Variants in TRPC5 observed in about 807,000 individuals in gnomAD.
TRPC5 encodes the protein transient receptor potential cation channel subfamily C member 5.
A neutral mutation model predicts 56.5 loss-of-function variants in TRPC5; 9 were observed. The observed-to-expected ratio is 0.16, with a 90% CI of 0.10 to 0.28. The LOEUF is 0.28. TRPC5 is among the 10% of genes least tolerant of loss of function. The pLI is 1.00. For synonymous variants in TRPC5, 282 were observed against 278.5 expected (o/e 1.01, Z -0.13); for missense variants, 469 against 748.9 (o/e 0.63, Z 4.36).
At chrX:111,827,927 T>C (rs1430234116) in intron 7 of TRPC5, among the ~76,000 whole-genome samples, 2 of 111,524 alleles carry the variant, frequency 1.8e-5, no homozygotes, top group African/African-American at 6.5e-5. Context: ...TCTGACTCCA[T>C]CTCCTACTTC....
intron 7 of TRPC5, among the ~76,000 whole-genome samples, chrX:111,787,400 T>C (rs1433109712): frequency 1.8e-5 from 2 of 111,494 alleles, no homozygotes; most frequent in African/African-American, 3.3e-5. Context: ...GGGACACATT[T>C]AAAGCAGTGT....
intron 3 of TRPC5, among the ~76,000 whole-genome samples, chrX:111,873,184 A>G (rs778594560): frequency 8.9e-6 from 1 of 112,643 alleles, no homozygotes; most frequent in East Asian, 2.8e-4. Flanking sequence ...ATAAAGATGA[A>G]TGAAATGTCC....
At chrX:112,068,027 G>C (rs1399274953) in intron 1 of TRPC5, among the ~76,000 whole-genome samples, 1 of 112,393 alleles carries the variant, frequency 8.9e-6, no homozygotes, top group East Asian at 2.8e-4. Context: ...CTGAGGCATA[G>C]ACAGGTTAGG....
chrX:111,905,799 C>T (rs1176384472), intron 3 of TRPC5, among the ~76,000 whole-genome samples: 1 of 107,867 alleles, frequency 9.3e-6, no homozygotes. Flanking sequence ...CCTGTAGTCC[C>T]AGCTACTCAG....
chrX:111,868,527 A>C (rs923938295), intron 3 of TRPC5, among the ~76,000 whole-genome samples: 2 of 112,577 alleles, frequency 1.8e-5, no homozygotes, highest in Non-Finnish European at 3.7e-5. Context: ...ACACATGTTT[A>C]ATATTCAGAG....
At chrX:111,962,667 T>A (rs1262203139) in intron 1 of TRPC5, among the ~76,000 whole-genome samples, 1 of 112,674 alleles carries the variant, frequency 8.9e-6, no homozygotes, top group African/African-American at 3.2e-5. Flanking sequence ...TACATAAACT[T>A]AGTTGATAAA....
intron 1 of TRPC5, among the ~76,000 whole-genome samples, chrX:112,027,600 C>A (rs1469524966): frequency 9.0e-6 from 1 of 111,267 alleles, no homozygotes; most frequent in South Asian, 3.9e-4. Flanking sequence ...GGGTTCACGC[C>A]ATTCTCCTGC....
intron 1 of TRPC5, among the ~76,000 whole-genome samples, chrX:112,052,019 A>AACAAAATGTGTTGACTT (rs1472961312): frequency 2.7e-5 from 3 of 111,934 alleles, no homozygotes; most frequent in African/African-American, 9.8e-5. Context: ...TTTTCCACAC[A>AACAAAATGTGTTGACTT]TCCGTCAACA....
intron 1 of TRPC5, among the ~76,000 whole-genome samples, chrX:111,997,458 TTA>T (rs947510542): frequency 1.8e-5 from 2 of 111,182 alleles, no homozygotes; most frequent in African/African-American, 6.5e-5. Flanking sequence ...AATCTGACAA[TTA>T]TATGTCTTGG....
intron 1 of TRPC5, among the ~76,000 whole-genome samples, chrX:112,047,590 A>ATTAC (rs1930081185): frequency 8.9e-6 from 1 of 112,424 alleles, no homozygotes; most frequent in Non-Finnish European, 1.9e-5. Context: ...ACATGAAGTA[A>ATTAC]GAACACATGT....
chrX:111,994,237 C>T (rs1406399872), intron 1 of TRPC5, among the ~76,000 whole-genome samples: 1 of 110,949 alleles, frequency 9.0e-6, no homozygotes, highest in South Asian at 3.9e-4. Context: ...ATTTCTGAGG[C>T]CTCTGTTCTG....
At chrX:112,064,993 G>A (rs749554387) in intron 1 of TRPC5, among the ~76,000 whole-genome samples, 19 of 107,256 alleles carry the variant, frequency 1.8e-4, no homozygotes. Context: ...AGAATGGCGT[G>A]AACCCGGGAG....
At chrX:111,997,928 G>C (rs1928587406) in intron 1 of TRPC5, among the ~76,000 whole-genome samples, 1 of 110,885 alleles carries the variant, frequency 9.0e-6, no homozygotes, top group Admixed American at 9.7e-5. Context: ...CCTTGCAATG[G>C]GTTCAAACAT....
At chrX:111,915,889 T>A (rs770185779) in intron 2 of TRPC5, among the ~76,000 whole-genome samples, 1 of 111,902 alleles carries the variant, frequency 8.9e-6, no homozygotes, top group East Asian at 2.8e-4. Flanking sequence ...GAGGATCATC[T>A]GAGCCCAGGA....
intron 3 of TRPC5, among the ~76,000 whole-genome samples, chrX:111,891,839 G>A (rs761702884): frequency 1.8e-5 from 2 of 111,868 alleles, no homozygotes; most frequent in African/African-American, 6.5e-5. Flanking sequence ...GAGCCACCGC[G>A]CTTGGCCGCT....
chrX:111,998,231 C>T (rs927467527), intron 1 of TRPC5, among the ~76,000 whole-genome samples: 1 of 111,677 alleles, frequency 9.0e-6, no homozygotes, highest in Non-Finnish European at 1.9e-5. Flanking sequence ...CAGAGCTGTT[C>T]CTAATTAGCC....
At chrX:111,869,440 T>G (rs112206210) in intron 3 of TRPC5, among the ~76,000 whole-genome samples, 173 of 111,897 alleles carry the variant, frequency 1.5e-3, no homozygotes, top group African/African-American at 5.3e-3. Context: ...GCTGCCAATA[T>G]CAATGGCAAC....
chrX:111,951,698 A>G (rs190802254), intron 2 of TRPC5, among the ~76,000 whole-genome samples: 1 of 111,819 alleles, frequency 8.9e-6, no homozygotes, highest in East Asian at 2.8e-4. Flanking sequence ...CCTTTTCTAG[A>G]ATATAACCTT....
chrX:111,933,333 C>T (rs1926473721), intron 2 of TRPC5, among the ~76,000 whole-genome samples: 1 of 110,932 alleles, frequency 9.0e-6, no homozygotes, highest in African/African-American at 3.3e-5. Flanking sequence ...ATTGAGCGGG[C>T]TGGGGTGAAA....
Sources: allele counts gnomAD v4.1 joint callset (sites outside exome capture counted in the v4.1 genomes callset), GRCh38; gene constraint gnomAD v4.1.1; transcripts MANE v1.5; gene names NCBI Gene and HGNC (gene_info 2026-07-23, HGNC 2026-07-21).